THAP4: variants seen among roughly 807,000 people sequenced by gnomAD.
The protein encoded by THAP4 is peroxynitrite isomerase THAP4.
A neutral mutation model predicts 48.1 loss-of-function variants in THAP4; 18 were observed. The observed-to-expected ratio is 0.37, with a 90% CI of 0.26 to 0.56. THAP4 has a LOEUF of 0.56. THAP4 is among the 20% of genes least tolerant of loss of function. The pLI, the probability that THAP4 is intolerant of heterozygous loss-of-function variation, is 0.78. For missense variants in THAP4, 656 were observed against 774.9 expected, an observed-to-expected ratio of 0.85 and a Z score of 1.82; for synonymous variants, 345 against 324.9, an observed-to-expected ratio of 1.06 and a Z score of -0.66.
intron 2 of THAP4, among the ~76,000 whole-genome samples, chr2:241,628,236 T>C (rs1575038454): frequency 8.4e-6 from 1 of 118,722 alleles, no homozygotes; most frequent in Non-Finnish European, 2.0e-5. Context: ...CGGCTGCCCC[T>C]CTCTCAGCGA....
chr2:241,632,632 C>A (rs1218026889), intron 2 of THAP4, among the ~76,000 whole-genome samples: 1 of 152,224 alleles, frequency 6.6e-6, no homozygotes, highest in Non-Finnish European at 1.5e-5. Flanking sequence ...CCTGTGCACT[C>A]TCCACGGAGG....
In THAP4 at chr2:241,610,263, A is replaced by G. The variant is rs555190237; in HGVS notation, c.1241-3790T>C. Reference sequence around the variant, plus strand: ...CCTCTGCTCCCGGGCGGCCCCCTCCAGCCTCCGCCGGCCCCGCCCCGGAAG... The same window carrying G: ...CCTCTGCTCCCGGGCGGCCCCCTCCGGCCTCCGCCGGCCCCGCCCCGGAAG... On this transcript the variant is annotated intron_variant, in intron 2 of 5. Coordinates refer to ENST00000407315, the MANE Select transcript of THAP4 (RefSeq NM_015963.6). This position sits in a 1 kb window ranked among gnomAD's most constrained non-coding sequence, Gnocchi z 4.2. 3.3e-5 allele frequency among the ~76,000 whole-genome samples: 5 copies of G among 152,168 alleles called. No homozygotes were observed. The highest frequency in any genetic ancestry group is 1.2e-4 in the African/African-American group (5 of 41,542).
intron 2 of THAP4, among the ~76,000 whole-genome samples, chr2:241,609,175 G>A (rs2067229401): frequency 1.3e-5 from 2 of 152,278 alleles, no homozygotes; most frequent in South Asian, 4.1e-4. Flanking sequence ...GGTGGAGGCA[G>A]TGGAAAGGAC....
At position 241,636,926 on chromosome 2, in the gene THAP4, C is replaced by T; in HGVS notation, c.77+15G>A. 8.1e-7 allele frequency: 1 copy of T among 1,238,394 alleles called. No homozygotes were observed. The highest frequency in any genetic ancestry group is 1.4e-5 in the South Asian group (1 of 70,828). The allele number at this position is 1,238,394 out of a possible 1,614,324, so 76.7% of individuals were successfully genotyped here. A position where few individuals can be genotyped will look rare whatever the true frequency, so the allele number is the denominator to read the frequency against. On this transcript the variant is annotated intron_variant, in intron 1 of 5. Coordinates refer to ENST00000407315, the MANE Select transcript of THAP4 (RefSeq NM_015963.6). ...CGGGTCGGGGCGGGGGCGTGGCGGC[C>T]CGGGGCCCGCGTACCTGTGGAAGGA...
At chr2:241,630,197 C>T (rs1439895727) in intron 2 of THAP4, among the ~76,000 whole-genome samples, 2 of 152,058 alleles carry the variant, frequency 1.3e-5, no homozygotes, top group Non-Finnish European at 2.9e-5. Flanking sequence ...AAGGGGGCAT[C>T]GAGGCTGGAA....
At chr2:241,605,803 C>A (rs1286368805) in intron 3 of THAP4, among the ~76,000 whole-genome samples, 2 of 151,922 alleles carry the variant, frequency 1.3e-5, no homozygotes, top group Non-Finnish European at 2.9e-5. Context: ...GTAGCCTTGG[C>A]CCTCCCTGGG....
intron 5 of THAP4, among the ~76,000 whole-genome samples, chr2:241,587,871 C>T (rs1324036380): frequency 4.6e-5 from 7 of 151,544 alleles, no homozygotes; most frequent in African/African-American, 9.7e-5. Context: ...GCCAAGATTG[C>T]GCCACTGCAC....
intron 2 of THAP4, among the ~76,000 whole-genome samples, chr2:241,623,168 C>T (rs1424118730): frequency 2.0e-5 from 3 of 151,966 alleles, no homozygotes; most frequent in Admixed American, 6.6e-5. Flanking sequence ...AGTGAGCCAA[C>T]GTTGCACCAC....
At chr2:241,621,059 C>T (rs1338977141) in intron 2 of THAP4, among the ~76,000 whole-genome samples, 1 of 152,104 alleles carries the variant, frequency 6.6e-6, no homozygotes, top group East Asian at 1.9e-4. Flanking sequence ...ATTAAAATTA[C>T]TGGTTAGTTT....
chr2:241,609,597 G>A (rs550640312), intron 2 of THAP4, among the ~76,000 whole-genome samples: 1 of 152,290 alleles, frequency 6.6e-6, no homozygotes, highest in East Asian at 1.9e-4. Flanking sequence ...GACCAGCGTG[G>A]CCAACGTGGT....
Position 241,601,096 on chromosome 2 carries a change from T to C in THAP4, c.1614+800A>G, listed in dbSNP as rs34953016. Among the ~76,000 whole-genome samples the C allele has an allele frequency of 0.33, 49,772 of 151,882 alleles. 8,474 individuals are homozygous for C. The highest frequency in any genetic ancestry group is 0.46 in the South Asian group (2,194 of 4,820). On this transcript the variant is annotated intron_variant, in intron 5 of 5. Transcript: ENST00000407315. This position sits in a 1 kb window ranked among gnomAD's most constrained non-coding sequence, Gnocchi z 4.0. ...GAATTCAAGACCAGCCTGACCAACA[T>C]GGAGAAACCCTGTCTCTACTAATAA...
At chr2:241,607,936 T>A (rs1575026853) in intron 2 of THAP4, among the ~76,000 whole-genome samples, 1 of 117,330 alleles carries the variant, frequency 8.5e-6, no homozygotes, top group South Asian at 3.0e-4. Flanking sequence ...ACCCCCGGCG[T>A]CTCCTCCAGG....
intron 4 of THAP4, 102 bp downstream of exon 4, chr2:241,602,868 A>C: frequency 2.2e-6 from 2 of 900,088 alleles, no homozygotes; most frequent in Non-Finnish European, 1.8e-6. Context: ...CCACCAGCAC[A>C]TGCCTCAGCA....
At position 241,616,151 on chromosome 2, in the gene THAP4, C is replaced by T. The variant is rs2067343182; in HGVS notation, c.1241-9678G>A. Among the ~76,000 whole-genome samples, 1 of 152,214 alleles carries T rather than the reference C, an allele frequency of 6.6e-6. No individual in the cohort carries two copies. Among genetic ancestry groups the T allele is most frequent in the Non-Finnish European group, 1.5e-5 (1 of 68,040 alleles). ...AGTTGAACTGGACCATCTATTCCCCCAAGTGGGCCTGGATGGGCCAGAACC... is the reference window on the plus strand; with the variant it reads ...AGTTGAACTGGACCATCTATTCCCCTAAGTGGGCCTGGATGGGCCAGAACC... On this transcript the variant is annotated intron_variant, in intron 2 of 5. Transcript: ENST00000407315. This position sits in a 1 kb window ranked among gnomAD's most constrained non-coding sequence, Gnocchi z 4.6.
intron 2 of THAP4, among the ~76,000 whole-genome samples, chr2:241,624,874 C>T (rs961398102): frequency 3.3e-5 from 5 of 152,038 alleles, no homozygotes; most frequent in African/African-American, 1.2e-4. Flanking sequence ...GAGCAAAGAC[C>T]GACTATGAGA....
At chr2:241,625,802 A>C (rs2067489387) in intron 2 of THAP4, among the ~76,000 whole-genome samples, 1 of 144,152 alleles carries the variant, frequency 6.9e-6, no homozygotes, top group Admixed American at 7.0e-5. Context: ...CGTCTCAAAA[A>C]AAAAAAAAAA....
At chr2:241,636,862 G>A in intron 1 of THAP4, 79 bp downstream of exon 1, 4 of 868,806 alleles carry the variant, frequency 4.6e-6, no homozygotes, top group Non-Finnish European at 5.5e-6. Context: ...CGCCCCCCGC[G>A]TTCGGGCCGG....
intron 2 of THAP4, among the ~76,000 whole-genome samples, chr2:241,615,128 A>G (rs1021784089): frequency 1.3e-5 from 2 of 152,178 alleles, no homozygotes; most frequent in Admixed American, 1.3e-4. Flanking sequence ...TATATATTCT[A>G]TGATTCCAAT....
intron 2 of THAP4, among the ~76,000 whole-genome samples, chr2:241,611,520 C>T (rs888809250): frequency 2.0e-5 from 3 of 152,100 alleles, no homozygotes; most frequent in Non-Finnish European, 4.4e-5. Flanking sequence ...GTCAGGAGTT[C>T]GAGACCAGCC....
Sources: allele counts gnomAD v4.1 joint callset (sites outside exome capture counted in the v4.1 genomes callset), GRCh38; gene constraint gnomAD v4.1.1; non-coding constraint Gnocchi (gnomAD v3.1); transcripts MANE v1.5; gene names NCBI Gene and HGNC (gene_info 2026-07-23, HGNC 2026-07-21).